HIF1A: variants seen among roughly 807,000 people sequenced by gnomAD.
The protein encoded by HIF1A is hypoxia-inducible factor 1-alpha.
Under a neutral mutation model 92.7 loss-of-function variants are expected in HIF1A, and 24 were observed. The ratio of observed to expected loss-of-function variants is 0.26; its 90% CI spans 0.19 to 0.36. HIF1A has a LOEUF of 0.36. Ranked by LOEUF, HIF1A falls within the 10% of genes least tolerant of loss-of-function variation. The probability of loss-of-function intolerance (pLI) is 1.00; values close to 1 mark genes in which losing one functional copy is unlikely to be tolerated. For synonymous variants in HIF1A, 319 were observed against 338.7 expected, an observed-to-expected ratio of 0.94 and a Z score of 0.64; for missense variants, 799 against 998.5, an observed-to-expected ratio of 0.80 and a Z score of 2.69.
chr14:61,734,079 A>C (rs1312896739), intron 7 of HIF1A, 59 bp from the exon 8 acceptor site: 2 of 1,174,118 alleles, frequency 1.7e-6, no homozygotes, highest in Admixed American at 5.8e-5. Flanking sequence ...TGTTCATTTA[A>C]TTGAAAATTC....
intron 1 of HIF1A, among the ~76,000 whole-genome samples, chr14:61,710,004 A>AGTTAATATTTGTAAACTTTGTAACTTTG (rs2044287982): frequency 6.6e-6 from 1 of 152,108 alleles, no homozygotes. Flanking sequence ...CTTTGCTAAC[A>AGTTAATATTTGTAAACTTTGTAACTTTG]CTGTATATCA....
Position 61,740,362 on chromosome 14 carries a change from G to A in HIF1A, c.1537-143G>A, listed in dbSNP as rs138417176. On this transcript the variant is annotated intron_variant, in intron 10 of 14. Transcript: ENST00000337138. ...TTACAGGCGTGAGCCACTGAGCCCGGCCTAGTTAAATAAAATTTGATAAAC... is the reference window on the plus strand; with the variant it reads ...TTACAGGCGTGAGCCACTGAGCCCGACCTAGTTAAATAAAATTTGATAAAC... The A allele has an allele frequency of 9.3e-4, 573 of 613,422 alleles. 5 individuals are homozygous for A. In the African/African-American group the frequency reaches 9.5e-3, roughly 10 times the overall value. The allele number at this position is 613,422 out of a possible 1,614,324, so 38.0% of individuals were successfully genotyped here.
intron 1 of HIF1A, among the ~76,000 whole-genome samples, chr14:61,713,766 C>T (rs1352593451): frequency 6.6e-6 from 1 of 152,158 alleles, no homozygotes. Context: ...GTGAGAATCC[C>T]AACTTTTGAA....
chr14:61,732,052 C>T (rs1262431416), intron 6 of HIF1A, among the ~76,000 whole-genome samples: 3 of 152,148 alleles, frequency 2.0e-5, no homozygotes, highest in Non-Finnish European at 4.4e-5. Context: ...AGGGGAATCG[C>T]TTGAACCTAG....
At chr14:61,719,036 G>A (rs2044396207) in intron 1 of HIF1A, among the ~76,000 whole-genome samples, 1 of 152,206 alleles carries the variant, frequency 6.6e-6, no homozygotes, top group African/African-American at 2.4e-5. Context: ...AGCATTTGCT[G>A]AGAACTGTGC....
intron 1 of HIF1A, among the ~76,000 whole-genome samples, chr14:61,707,556 GT>G (rs1427282501): frequency 6.6e-6 from 1 of 151,946 alleles, no homozygotes; most frequent in African/African-American, 2.4e-5. Context: ...AACACGCGGT[GT>G]TTGGTTTTTT....
At position 61,746,946 on chromosome 14, in the gene HIF1A, G is replaced by T; in HGVS notation, c.2342G>T (p.Arg781Ile). The change falls in exon 15 of 15, where the codon AGA (arginine) becomes ATA (isoleucine). Residue 781 changes from arginine to isoleucine, a missense_variant. By Grantham distance (97) the Arg-to-Ile change is moderately conservative. Around this residue, in one of 2 missense-constraint regions of HIF1A, gnomAD observed 283 missense variants for 277.5 expected, o/e 1.02. Transcript: ENST00000337138. ...TTTTGTTTTTCAGATTTAGCATGTAGACTGCTGGGGCAATCAATGGATGAA... is the reference window on the plus strand; with the variant it reads ...TTTTGTTTTTCAGATTTAGCATGTATACTGCTGGGGCAATCAATGGATGAA... ...IILIPSDLAC[R>I]LLGQSMDESG... is the part of the protein sequence containing the mutation. 1 of 1,604,014 alleles carries T rather than the reference G, an allele frequency of 6.2e-7. No individual in the cohort carries two copies.
At chr14:61,721,209 C>T (rs1416473981) in intron 2 of HIF1A, among the ~76,000 whole-genome samples, 2 of 152,172 alleles carry the variant, frequency 1.3e-5, no homozygotes, top group Admixed American at 6.5e-5. Context: ...CCACTGCACT[C>T]CAGCCTGGGC....
chr14:61,713,269 A>C (rs1193029287), intron 1 of HIF1A, among the ~76,000 whole-genome samples: 1 of 152,226 alleles, frequency 6.6e-6, no homozygotes, highest in Non-Finnish European at 1.5e-5. Flanking sequence ...TTACTTCGGA[A>C]GGATCTTTAT....
At chr14:61,714,060 T>C (rs1482926948) in intron 1 of HIF1A, among the ~76,000 whole-genome samples, 1 of 152,106 alleles carries the variant, frequency 6.6e-6, no homozygotes, top group Admixed American at 6.6e-5. Flanking sequence ...TCCAAAACAA[T>C]AGGAGATTAT....
At chr14:61,734,882 C>T (rs989193683) in intron 8 of HIF1A, among the ~76,000 whole-genome samples, 9 of 152,172 alleles carry the variant, frequency 5.9e-5, no homozygotes, top group Admixed American at 1.3e-4. Flanking sequence ...GCACGTTGTG[C>T]ACATGCACCC....
chr14:61,724,479 T>A (rs2044478912), intron 4 of HIF1A, among the ~76,000 whole-genome samples: 1 of 151,244 alleles, frequency 6.6e-6, no homozygotes, highest in East Asian at 2.0e-4. Context: ...CAAATTCACT[T>A]CTTAATCTAA....
At chr14:61,725,113 C>G (rs1391263877) in intron 4 of HIF1A, among the ~76,000 whole-genome samples, 1 of 152,146 alleles carries the variant, frequency 6.6e-6, no homozygotes, top group Non-Finnish European at 1.5e-5. Flanking sequence ...TACTGACATT[C>G]TAATGTCTCT....
At chr14:61,697,267 T>G (rs2140113611) in intron 1 of HIF1A, among the ~76,000 whole-genome samples, 1 of 152,298 alleles carries the variant, frequency 6.6e-6, no homozygotes, top group South Asian at 2.1e-4. Flanking sequence ...AGCAAACAGG[T>G]CTAGATTAAT....
In HIF1A at chr14:61,736,907, C is replaced by T. The variant is rs1162392201; in HGVS notation, c.1047C>T (p.Asp349=). The T allele has an allele frequency of 1.9e-6, 3 of 1,613,230 alleles. No homozygotes were observed. Among genetic ancestry groups the T allele is most frequent in the Non-Finnish European group, 2.5e-6 (3 of 1,179,228 alleles). Residue 349 remains aspartate (D), a synonymous_variant, in exon 9 of 15, where the codon GAC becomes GAT. Coordinates refer to ENST00000337138, the MANE Select transcript of HIF1A (RefSeq NM_001530.4). ...NYVVSGIIQH[D]LIFSLQQTEC... ...TTGACAGTGGTATTATTCAGCACGA[C>T]TTGATTTTCTCCCTTCAACAAACAG...
intron 6 of HIF1A, 28 bp from the exon 7 acceptor site, chr14:61,732,390 T>C (rs1233187825): frequency 2.0e-6 from 3 of 1,466,728 alleles, no homozygotes; most frequent in South Asian, 1.2e-5. Context: ...CCCTTTTTTT[T>C]CTTAAATCTT....
intron 1 of HIF1A, among the ~76,000 whole-genome samples, chr14:61,701,421 T>G (rs2140117271): frequency 6.6e-6 from 1 of 152,306 alleles, no homozygotes; most frequent in Non-Finnish European, 1.5e-5. Flanking sequence ...AATATTGCAA[T>G]TTTCACTCAT....
intron 1 of HIF1A, among the ~76,000 whole-genome samples, chr14:61,700,798 T>C (rs2044169043): frequency 6.6e-6 from 1 of 152,242 alleles, no homozygotes; most frequent in Admixed American, 6.5e-5. Context: ...ACACTTGTTT[T>C]CTTTCTTTCC....
At chr14:61,722,187 G>A (rs974318907) in intron 4 of HIF1A, among the ~76,000 whole-genome samples, 15 of 151,522 alleles carry the variant, frequency 9.9e-5, no homozygotes, top group African/African-American at 2.7e-4. Context: ...GGACTCAAGC[G>A]ATCCTCCCAC....
Sources: gnomAD v4.1 joint callset for allele counts (sites outside exome capture counted in the v4.1 genomes callset) on GRCh38, gnomAD v4.1.1 for gene constraint, gnomAD v4.1.1 regional missense constraint, MANE v1.5 for transcripts, NCBI Gene and HGNC (gene_info 2026-07-23, HGNC 2026-07-21) for gene names.